Variants in THSD4 observed in about 807,000 individuals in gnomAD.
The protein encoded by THSD4 is thrombospondin type 1 domain containing 4.
In THSD4, 69 loss-of-function variants were observed where a neutral mutation model predicts 119.0. That is an observed-to-expected ratio of 0.58 (90% CI 0.48 to 0.71). The LOEUF is 0.71. Among genes scored for constraint, THSD4 ranks in the 30% least tolerant of loss-of-function variants. THSD4 has a pLI of 0.00. For synonymous variants in THSD4, 524 were observed against 540.4 expected (o/e 0.97, Z 0.42); for missense variants, 1,393 against 1,391.1 (o/e 1.00, Z -0.02).
chr15:71,582,172 TTCAA>T (rs2140850013), intron 7 of THSD4, among the ~76,000 whole-genome samples: 1 of 152,320 alleles, frequency 6.6e-6, no homozygotes, highest in South Asian at 2.1e-4. Context: ...ACTGTCTTTC[TTCAA>T]TGTTTTATAG....
intron 6 of THSD4, among the ~76,000 whole-genome samples, chr15:71,279,987 C>T (rs909248574): frequency 6.6e-5 from 10 of 152,248 alleles, no homozygotes; most frequent in Middle Eastern, 3.4e-3. Flanking sequence ...TGTGAGGTTC[C>T]GGCGAGATGC....
chr15:71,237,962 C>G (rs1388818560), intron 4 of THSD4, among the ~76,000 whole-genome samples: 1 of 152,098 alleles, frequency 6.6e-6, no homozygotes, highest in African/African-American at 2.4e-5. Flanking sequence ...AGCAATTTTC[C>G]CAGACGCCCG....
chr15:71,278,975 C>T, intron 6 of THSD4, among the ~76,000 whole-genome samples: 1 of 152,206 alleles, frequency 6.6e-6, no homozygotes, highest in African/African-American at 2.4e-5. Context: ...CATCTAAAGT[C>T]ATGCTCCAGC....
At chr15:71,639,758 A>G (rs1199173548) in intron 7 of THSD4, among the ~76,000 whole-genome samples, 1 of 151,970 alleles carries the variant, frequency 6.6e-6, no homozygotes, top group African/African-American at 2.4e-5. Flanking sequence ...CACTGCCTAC[A>G]TATCCCTCTT....
intron 7 of THSD4, among the ~76,000 whole-genome samples, chr15:71,629,347 CAGT>C (rs1253340876): frequency 6.6e-6 from 1 of 152,130 alleles, no homozygotes. Flanking sequence ...GGCGGCCAGA[CAGT>C]AGAGGAGACC....
At chr15:71,382,229 G>C (rs1262773949) in intron 6 of THSD4, among the ~76,000 whole-genome samples, 1 of 152,064 alleles carries the variant, frequency 6.6e-6, no homozygotes, top group Non-Finnish European at 1.5e-5. Flanking sequence ...AAGTGTTTCG[G>C]TAAAACACAG....
At chr15:71,272,448 A>G (rs933403030) in intron 6 of THSD4, among the ~76,000 whole-genome samples, 1 of 150,836 alleles carries the variant, frequency 6.6e-6, no homozygotes, top group Admixed American at 6.6e-5. Context: ...GGGAGGGGCA[A>G]AGGACCTGAA....
intron 8 of THSD4, among the ~76,000 whole-genome samples, chr15:71,667,952 T>G (rs2051448516): frequency 6.6e-6 from 1 of 152,214 alleles, no homozygotes; most frequent in South Asian, 2.1e-4. Context: ...TTGATATTAC[T>G]ATACATACTT....
At chr15:71,119,981 G>T (rs2040395621) in intron 1 of THSD4, among the ~76,000 whole-genome samples, 1 of 152,220 alleles carries the variant, frequency 6.6e-6, no homozygotes, top group South Asian at 2.1e-4. Context: ...CACATAGCAG[G>T]CGCTCAGTGT....
rs201853959 is a variant in THSD4 at position 71,661,404 on chromosome 15, T to TA, written c.1357+670_1357+671insA. ...CGAACACATTATTTATTTATTTATTTTTTTTTTTTGAGACAGAATCTTGCC... is the reference window on the plus strand; with the variant it reads ...CGAACACATTATTTATTTATTTATTTATTTTTTTTTGAGACAGAATCTTGCC... On this transcript the variant is annotated intron_variant, in intron 8 of 17. Transcript: ENST00000261862. Among the ~76,000 whole-genome samples, 121 of 151,524 alleles carry TA rather than the reference T, an allele frequency of 8.0e-4. 1 individual carries two copies. The highest frequency in any genetic ancestry group is 3.3e-3 in the East Asian group (17 of 5,168).
intron 8 of THSD4, among the ~76,000 whole-genome samples, chr15:71,718,670 G>A (rs1029759969): frequency 6.6e-5 from 10 of 152,014 alleles, no homozygotes; most frequent in Admixed American, 1.3e-4. Flanking sequence ...ATCTATGCAC[G>A]CTCCCAGCGC....
chr15:71,564,725 TTATAACATATAATACAATATATAG>T (rs1567039254), intron 7 of THSD4, among the ~76,000 whole-genome samples: 80 of 125,030 alleles, frequency 6.4e-4, no homozygotes, highest in South Asian at 8.3e-4. Flanking sequence ...ATATTGTATA[TTATAACATATAATACAATATATAG>T]TATAACATAT....
rs562142484 is a variant in THSD4, at chr15:71,139,106, A to G, written c.-79-2343A>G. Among the ~76,000 whole-genome samples the G allele has an allele frequency of 2.6e-5, 4 of 152,102 alleles. No individual in the cohort carries two copies. In the East Asian group the frequency reaches 7.8e-4, roughly 30 times the overall value. The stretch of plus-strand genomic sequence containing the variant: ...ACTTACCAACAATTCTAGATAGTTG[A>G]TTTACTATCTCATTAGGCTAAGGCT... On this transcript the variant is annotated intron_variant, in intron 1 of 17. Transcript: ENST00000261862.
intron 2 of THSD4, among the ~76,000 whole-genome samples, chr15:71,152,863 C>T (rs748764510): frequency 1.3e-5 from 2 of 152,174 alleles, no homozygotes; most frequent in Non-Finnish European, 2.9e-5. Flanking sequence ...ACCCCCAGCT[C>T]CCGTACTCCA....
chr15:71,319,348 C>T (rs934562094), intron 6 of THSD4, among the ~76,000 whole-genome samples: 6 of 151,418 alleles, frequency 4.0e-5, no homozygotes, highest in African/African-American at 1.5e-4. Flanking sequence ...CCCATTAACT[C>T]GTCATTTACA....
chr15:71,339,737 G>T (rs1232411817), intron 6 of THSD4, among the ~76,000 whole-genome samples: 2 of 152,136 alleles, frequency 1.3e-5, no homozygotes, highest in East Asian at 3.9e-4. Flanking sequence ...TGGTAAATAT[G>T]TGTAAAGCAG....
At chr15:71,636,752 C>A (rs117632489) in intron 7 of THSD4, among the ~76,000 whole-genome samples, 2 of 152,152 alleles carry the variant, frequency 1.3e-5, no homozygotes, top group African/African-American at 4.8e-5. Flanking sequence ...CCAGCTGGTC[C>A]CCGAGGACCT....
intron 6 of THSD4, among the ~76,000 whole-genome samples, chr15:71,372,261 A>C: frequency 6.6e-6 from 1 of 152,302 alleles, no homozygotes; most frequent in East Asian, 1.9e-4. Flanking sequence ...GATCGTCTGA[A>C]GCCTTCTTCT....
chr15:71,343,801 C>T (rs2045614657), intron 6 of THSD4, among the ~76,000 whole-genome samples: 2 of 151,254 alleles, frequency 1.3e-5, no homozygotes, highest in Non-Finnish European at 2.9e-5. Context: ...CAGCCTCAGC[C>T]TCCCAGGCTC....
Sources: gnomAD v4.1 joint callset for allele counts (sites outside exome capture counted in the v4.1 genomes callset) on GRCh38, gnomAD v4.1.1 for gene constraint, MANE v1.5 for transcripts, NCBI Gene and HGNC (gene_info 2026-07-23, HGNC 2026-07-21) for gene names.